The following ARL17B variants were observed in gnomAD, a reference collection of about 807,000 sequenced individuals.
ARL17B encodes the protein ARF like GTPase 17B.
chr17:46,288,942 T>G (rs1849340939), intron 4 of ARL17B, among the ~76,000 whole-genome samples: 1 of 152,176 alleles, frequency 6.6e-6, no homozygotes, highest in Non-Finnish European at 1.5e-5. Flanking sequence ...TGACCTCAGG[T>G]GACCCATCTC....
intron 4 of ARL17B, among the ~76,000 whole-genome samples, chr17:46,286,365 G>A (rs1281704441): frequency 5.3e-5 from 8 of 152,232 alleles, no homozygotes; most frequent in African/African-American, 1.9e-4. Flanking sequence ...CTGAAAACAA[G>A]TCACAAATCT....
intron 4 of ARL17B, chr17:46,275,497 T>C (rs2049560755): frequency 1.2e-5 from 8 of 645,544 alleles, no homozygotes; most frequent in Middle Eastern, 5.7e-4. Flanking sequence ...CCAAAGTAAA[T>C]AAATCTGGAA....
At chr17:46,361,576 C>CGG in intron 1 of ARL17B, 100 bp downstream of exon 1, 1 of 70,942 alleles carries the variant, frequency 1.4e-5, no homozygotes, top group Non-Finnish European at 2.5e-5. Context: ...AATCCCTTTC[C>CGG]GAAAGCCACC....
chr17:46,342,632 A>AT (rs748174381), intron 3 of ARL17B, among the ~76,000 whole-genome samples: 2,966 of 56,242 alleles, frequency 0.053, 258 homozygotes, highest in African/African-American at 0.18. Flanking sequence ...CTTAAGGACA[A>AT]TTTTTTTTTT....
intron 4 of ARL17B, among the ~76,000 whole-genome samples, chr17:46,282,354 C>T (rs1191611173): frequency 9.9e-5 from 15 of 152,078 alleles, no homozygotes; most frequent in Admixed American, 7.2e-4. Flanking sequence ...CCGCCCCACT[C>T]GGCCTCCCAA....
In ARL17B at chr17:46,314,761, AT is replaced by A. The variant is rs2050979154; in HGVS notation, c.260-15097del. Among the ~76,000 whole-genome samples the A allele has an allele frequency of 3.7e-5, 3 of 80,974 alleles. 1 individual carries two copies. The highest frequency in any genetic ancestry group is 1.3e-4 in the Admixed American group (1 of 7,908). The allele number at this position is 80,974 out of a possible 152,430, so 53.1% of individuals were successfully genotyped here. The stretch of plus-strand genomic sequence containing the variant: ...TTTGGTTTGCCAGATTTTGTCAAGC[AT>A]TTTTCCATCTACATTCGTAAGAAAT... On this transcript the variant is annotated intron_variant, in intron 3 of 4. Transcript: ENST00000434041.
chr17:46,291,247 T>G (rs1482494582), intron 4 of ARL17B, among the ~76,000 whole-genome samples: 1 of 152,238 alleles, frequency 6.6e-6, no homozygotes, highest in East Asian at 1.9e-4. Flanking sequence ...GGGTGCACAC[T>G]TTGATCCTCC....
intron 4 of ARL17B, among the ~76,000 whole-genome samples, chr17:46,285,640 T>C: frequency 6.6e-6 from 1 of 152,304 alleles, no homozygotes; most frequent in South Asian, 2.1e-4. Context: ...ATAAAATGTA[T>C]AAAGAAGTGA....
chr17:46,304,531 G>T lies in ARL17B; in HGVS notation c.260-4866C>A, dbSNP rs1381396395. On this transcript the variant is annotated intron_variant, in intron 3 of 4. Transcript: ENST00000434041. ...GAGTTTATATGATGACTGTGTGCAG[G>T]ATAGTTTAGGTAGGGAGAGACTGGA... is the stretch of plus-strand genomic sequence containing the variant. Among the ~76,000 whole-genome samples the T allele has an allele frequency of 2.7e-5, 2 of 74,588 alleles. 1 individual carries two copies. The highest frequency in any genetic ancestry group is 8.0e-5 in the Non-Finnish European group (2 of 24,910). The allele number at this position is 74,588 out of a possible 152,430, so 48.9% of individuals were successfully genotyped here.
At chr17:46,281,285 C>G (rs1314648668) in intron 4 of ARL17B, among the ~76,000 whole-genome samples, 1 of 151,598 alleles carries the variant, frequency 6.6e-6, no homozygotes, top group Non-Finnish European at 1.5e-5. Flanking sequence ...TTCCCTGTAT[C>G]TGGCACACAT....
At chr17:46,277,183 C>G (rs2261201) in intron 4 of ARL17B, among the ~76,000 whole-genome samples, 21,699 of 151,700 alleles carry the variant, frequency 0.14, 1,949 homozygotes, top group Non-Finnish European at 0.22. Flanking sequence ...ATGTCAACTT[C>G]AGTATATTAA....
chr17:46,332,574 A>G (rs773305384), downstream of ARL17B: 5 of 1,384,090 alleles, frequency 3.6e-6, no homozygotes, highest in Admixed American at 4.0e-5. Context: ...GTTCCAGGAT[A>G]TGGCTATACT....
intron 4 of ARL17B, among the ~76,000 whole-genome samples, chr17:46,278,654 G>A (rs547833239): frequency 1.3e-5 from 2 of 151,998 alleles, no homozygotes; most frequent in Admixed American, 6.6e-5. Flanking sequence ...CACCCGCCTC[G>A]GCCTCCCAAA....
chr17:46,286,094 G>A (rs962591177), intron 4 of ARL17B, among the ~76,000 whole-genome samples: 1 of 152,228 alleles, frequency 6.6e-6, no homozygotes, highest in Non-Finnish European at 1.5e-5. Flanking sequence ...TAAAAAATCT[G>A]CAAGATCCGA....
At chr17:46,276,618 T>C (rs1173328991) in intron 4 of ARL17B, among the ~76,000 whole-genome samples, 1 of 152,126 alleles carries the variant, frequency 6.6e-6, no homozygotes, top group Non-Finnish European at 1.5e-5. Context: ...TAAATTACAA[T>C]GGGAAAATAT....
intron 4 of ARL17B, among the ~76,000 whole-genome samples, chr17:46,282,291 G>A (rs2143367446): frequency 6.6e-6 from 1 of 151,974 alleles, no homozygotes; most frequent in South Asian, 2.1e-4. Flanking sequence ...TTTTAGTAGA[G>A]ACGGGGTTTC....
downstream of ARL17B, chr17:46,330,952 G>T (rs1240433150): frequency 1.4e-6 from 1 of 725,136 alleles, no homozygotes; most frequent in Non-Finnish European, 2.1e-6. Flanking sequence ...GGCCTGAGAA[G>T]TTAGCGGGAA....
intron 3 of ARL17B, among the ~76,000 whole-genome samples, chr17:46,317,132 C>T (rs1258065803): frequency 1.1e-5 from 1 of 89,466 alleles, no homozygotes. Context: ...TTGGGTACAC[C>T]TCCCAGATGG....
intron 4 of ARL17B, among the ~76,000 whole-genome samples, chr17:46,277,436 C>T (rs1475179592): frequency 6.6e-6 from 1 of 152,124 alleles, no homozygotes; most frequent in Admixed American, 6.5e-5. Flanking sequence ...ACAGTTACCA[C>T]CAAAGGCCTT....
Sources: allele counts gnomAD v4.1 joint callset (sites outside exome capture counted in the v4.1 genomes callset), GRCh38; gene constraint gnomAD v4.1.1; transcripts MANE v1.5; gene names NCBI Gene and HGNC (gene_info 2026-07-23, HGNC 2026-07-21).